PDZD2: variants seen among roughly 807,000 people sequenced by gnomAD.
PDZD2 encodes PDZ domain containing 2.
In PDZD2, 90 loss-of-function variants were observed where a neutral mutation model predicts 220.7. That is an observed-to-expected ratio of 0.41 (90% CI 0.34 to 0.49). PDZD2 has a LOEUF of 0.49. PDZD2 is among the 20% of genes least tolerant of loss of function. PDZD2 has a pLI of 0.28. For synonymous variants in PDZD2, 1,375 were observed against 1,450.5 expected (o/e 0.95, Z 1.18); for missense variants, 3,174 against 3,608.5 (o/e 0.88, Z 3.08).
intron 2 of PDZD2, among the ~76,000 whole-genome samples, chr5:31,865,621 CTTTTTT>C (rs776271275): frequency 6.9e-4 from 47 of 67,796 alleles, no homozygotes; most frequent in East Asian, 5.7e-3. Flanking sequence ...CTACTGGCAA[CTTTTTT>C]TTTTTTTTTT....
chr5:32,054,338 T>TTTAA (rs1554034160), intron 10 of PDZD2, among the ~76,000 whole-genome samples: 4 of 125,662 alleles, frequency 3.2e-5, no homozygotes, highest in Non-Finnish European at 5.1e-5. Flanking sequence ...TTTTTTTTTT[T>TTTAA]AATGAGACAG....
At chr5:31,830,772 T>A (rs2150268577) in intron 2 of PDZD2, among the ~76,000 whole-genome samples, 1 of 152,350 alleles carries the variant, frequency 6.6e-6, no homozygotes, top group South Asian at 2.1e-4. Context: ...TTCTGCACAG[T>A]GTCCAAACAC....
chr5:31,783,325 C>A (rs997159420), intron 1 of PDZD2, among the ~76,000 whole-genome samples: 2 of 151,874 alleles, frequency 1.3e-5, no homozygotes, highest in Non-Finnish European at 2.9e-5. Flanking sequence ...ATGGAGAGAG[C>A]CTTGGAGAAC....
At chr5:31,647,384 T>G (rs779304398) in intron 1 of PDZD2, among the ~76,000 whole-genome samples, 1 of 152,218 alleles carries the variant, frequency 6.6e-6, no homozygotes, top group African/African-American at 2.4e-5. Flanking sequence ...ACAAACTTGT[T>G]GTCTTAAAAC....
At chr5:31,779,775 A>G (rs578189099) in intron 1 of PDZD2, among the ~76,000 whole-genome samples, 4 of 152,178 alleles carry the variant, frequency 2.6e-5, no homozygotes, top group Admixed American at 6.5e-5. Context: ...CTCAGTAAAT[A>G]TTTAGGGAAT....
Position 31,983,394 on chromosome 5 carries a change from G to T in PDZD2, c.716G>T (p.Gly239Val). 2 of 1,614,212 alleles carry T rather than the reference G, an allele frequency of 1.2e-6. No individual in the cohort carries two copies. The highest frequency in any genetic ancestry group is 8.5e-7 in the Non-Finnish European group (1 of 1,180,026). ...CCTGAAGAATCCAAGGGCAGCGCTGGCTGTGAGGTGTCCAGTGACCCCAGC... is the reference window on the plus strand; with the variant it reads ...CCTGAAGAATCCAAGGGCAGCGCTGTCTGTGAGGTGTCCAGTGACCCCAGC... ...KAPEESKGSA[G>V]CEVSSDPSTE... Residue 239 changes from glycine (G) to valine (V), a missense_variant, in exon 3 of 25, where the codon GGC (glycine) becomes GTC (valine). Gly to Val is a moderately radical substitution (Grantham distance 109, BLOSUM62 -3). Transcript: ENST00000438447.
intron 2 of PDZD2, among the ~76,000 whole-genome samples, chr5:31,893,233 C>G (rs1741217505): frequency 6.6e-6 from 1 of 152,054 alleles, no homozygotes; most frequent in South Asian, 2.1e-4. Context: ...CATCCTGTCC[C>G]CACGTTACTG....
intron 2 of PDZD2, among the ~76,000 whole-genome samples, chr5:31,948,778 A>C (rs1459734779): frequency 6.6e-6 from 1 of 152,120 alleles, no homozygotes. Context: ...GGTTGGGTGG[A>C]GTAGGTGAGA....
At chr5:31,704,588 A>G (rs1328482730) in intron 1 of PDZD2, among the ~76,000 whole-genome samples, 7 of 152,196 alleles carry the variant, frequency 4.6e-5, no homozygotes, top group South Asian at 2.1e-4. Context: ...GATTTTTCCT[A>G]TTATAGAAAA....
chr5:32,088,627 TC>T lies in PDZD2; in HGVS notation c.5184del (p.Asn1729ThrfsTer3). On this transcript the variant is annotated frameshift_variant, in exon 20 of 25. Transcript: ENST00000438447. LOFTEE classifies it high-confidence loss of function. This position sits in a 1 kb window ranked among gnomAD's most constrained non-coding sequence, Gnocchi z 4.6. The part of the protein sequence containing the change: ...HFHSPPIILS[S>X]PNMVNGLEHD... ...TCACAGTCCGCCCATCATTCTCAGC[TC>T]CCCCAACATGGTAAATGGCTTGGAA... is the stretch of plus-strand genomic sequence containing the variant. The T allele has an allele frequency of 6.2e-7, 1 of 1,613,774 alleles. No homozygotes were observed. Among genetic ancestry groups the T allele is most frequent in the Non-Finnish European group, 8.5e-7 (1 of 1,179,922 alleles).
intron 2 of PDZD2, among the ~76,000 whole-genome samples, chr5:31,880,171 C>A (rs1739739048): frequency 6.6e-6 from 1 of 152,132 alleles, no homozygotes; most frequent in Non-Finnish European, 1.5e-5. Flanking sequence ...ATCCACCCAC[C>A]TTGGCCTCCC....
At chr5:31,667,894 A>G (rs1487657179) in intron 1 of PDZD2, among the ~76,000 whole-genome samples, 2 of 114,964 alleles carry the variant, frequency 1.7e-5, no homozygotes, top group African/African-American at 7.1e-5. Context: ...TGGAATCTCG[A>G]TCTCTCGCCC....
At chr5:31,932,609 C>G (rs982770413) in intron 2 of PDZD2, among the ~76,000 whole-genome samples, 2 of 152,086 alleles carry the variant, frequency 1.3e-5, no homozygotes, top group African/African-American at 4.8e-5. Flanking sequence ...ACTTCACACA[C>G]TTAATATAAA....
intron 13 of PDZD2, 87 bp downstream of exon 13, chr5:32,059,443 T>C: frequency 5.0e-6 from 3 of 602,382 alleles, no homozygotes; most frequent in Non-Finnish European, 8.8e-6. Flanking sequence ...TTACTTCCCT[T>C]TGAGGGATGT....
chr5:31,829,080 G>A (rs910628260), intron 2 of PDZD2, among the ~76,000 whole-genome samples: 1 of 152,202 alleles, frequency 6.6e-6, no homozygotes, highest in Non-Finnish European at 1.5e-5. Context: ...ATTCTGTGAA[G>A]ATAGAGTTTT....
At position 32,108,630 on chromosome 5, in the gene PDZD2, G is replaced by C. The variant is rs1745044076; in HGVS notation, c.*495G>C. ...TTAGGCACATTCAATGGAAGGAGGA[G>C]ATGTAGGTCTGTATATGTTACCCTG... is the stretch of plus-strand genomic sequence containing the variant. On this transcript the variant is annotated 3_prime_UTR_variant, in exon 25 of 25. Transcript: ENST00000438447. 6.5e-6 allele frequency: 1 copy of C among 152,816 alleles called. No individual in the cohort carries two copies. The highest frequency in any genetic ancestry group is 2.1e-4 in the South Asian group (1 of 4,840). 9.5% of individuals were successfully genotyped at this position (152,816 alleles called of 1,614,324 possible).
chr5:32,086,942 G>C (rs994110341), intron 19 of PDZD2, among the ~76,000 whole-genome samples, 189 bp from the exon 20 acceptor site: 1 of 145,638 alleles, frequency 6.9e-6, no homozygotes, highest in Admixed American at 7.3e-5. Context: ...ACCCGCCTCC[G>C]CCTCCCAAAG....
chr5:31,908,355 G>T, intron 2 of PDZD2: 1 of 289,116 alleles, frequency 3.5e-6, no homozygotes, highest in Non-Finnish European at 6.5e-6. Flanking sequence ...GCCATCGGCC[G>T]CCATCATGAT....
chr5:32,008,124 T>G (rs1752984715), intron 5 of PDZD2, among the ~76,000 whole-genome samples: 1 of 129,982 alleles, frequency 7.7e-6, no homozygotes, highest in African/African-American at 2.8e-5. Context: ...ACCCCATCTC[T>G]ATAAAATAAT....
Sources: allele counts gnomAD v4.1 joint callset (sites outside exome capture counted in the v4.1 genomes callset), GRCh38; gene constraint gnomAD v4.1.1; non-coding constraint Gnocchi (gnomAD v3.1); transcripts MANE v1.5; gene names NCBI Gene and HGNC (gene_info 2026-07-23, HGNC 2026-07-21).